The following PTPRQ variants were observed in gnomAD, a reference collection of about 807,000 sequenced individuals.
The protein encoded by PTPRQ is protein tyrosine phosphatase receptor type Q.
Under a neutral mutation model 246.0 loss-of-function variants are expected in PTPRQ, and 199 were observed. The ratio of observed to expected loss-of-function variants is 0.81; its 90% CI spans 0.72 to 0.91. The LOEUF (loss-of-function observed/expected upper bound fraction) is 0.91, where lower values mean the gene tolerates loss of function less well. PTPRQ is among the 40% of genes least tolerant of loss of function. The probability of loss-of-function intolerance (pLI) is 0.00; values close to 1 mark genes in which losing one functional copy is unlikely to be tolerated. For synonymous variants in PTPRQ, 869 were observed against 853.2 expected (o/e 1.02, Z -0.32); for missense variants, 2,624 against 2,528.4 (o/e 1.04, Z -0.81).
chr12:80,500,171 C>G (rs1163175274), intron 14 of PTPRQ, among the ~76,000 whole-genome samples: 1 of 151,932 alleles, frequency 6.6e-6, no homozygotes, highest in African/African-American at 2.4e-5. Flanking sequence ...GGTAACTTCC[C>G]TTTTTTACTA....
intron 9 of PTPRQ, among the ~76,000 whole-genome samples, chr12:80,488,504 C>T (rs1380484990): frequency 3.9e-5 from 6 of 151,952 alleles, no homozygotes; most frequent in Non-Finnish European, 7.4e-5. Context: ...TCAATAGATT[C>T]TAAAAATGAG....
intron 33 of PTPRQ, 95 bp downstream of exon 33, chr12:80,622,229 A>AGTT: frequency 9.8e-7 from 1 of 1,020,128 alleles, no homozygotes; most frequent in Non-Finnish European, 1.3e-6. Flanking sequence ...TAGATGTTTT[A>AGTT]AAATATAAAC....
intron 39 of PTPRQ, among the ~76,000 whole-genome samples, chr12:80,663,761 C>A (rs933155309): frequency 6.6e-6 from 1 of 151,908 alleles, no homozygotes; most frequent in Admixed American, 6.6e-5. Context: ...CTGCCATGTT[C>A]ACAACCTAGA....
At chr12:80,524,097 T>C (rs1895604110) in intron 17 of PTPRQ, among the ~76,000 whole-genome samples, 1 of 152,220 alleles carries the variant, frequency 6.6e-6, no homozygotes, top group African/African-American at 2.4e-5. Flanking sequence ...CTTGTTGAAT[T>C]GATTCCTTTA....
intron 25 of PTPRQ, among the ~76,000 whole-genome samples, chr12:80,553,845 T>A (rs1024500433): frequency 2.0e-5 from 3 of 152,210 alleles, no homozygotes; most frequent in African/African-American, 7.2e-5. Context: ...ATGCGGTATT[T>A]AATTTTTAGA....
chr12:80,521,313 G>A (rs1490779390), intron 17 of PTPRQ, among the ~76,000 whole-genome samples: 3 of 151,998 alleles, frequency 2.0e-5, no homozygotes, highest in Admixed American at 6.6e-5. Context: ...TCTGAAGGTT[G>A]CCTGTTCACT....
intron 33 of PTPRQ, among the ~76,000 whole-genome samples, chr12:80,624,628 G>T (rs951098815): frequency 6.6e-6 from 1 of 152,142 alleles, no homozygotes; most frequent in African/African-American, 2.4e-5. Context: ...CATTTCTCTG[G>T]TTAATGGATT....
intron 3 of PTPRQ, 78 bp from the exon 4 acceptor site, chr12:80,457,497 A>G (rs1893016553): frequency 5.0e-6 from 2 of 399,514 alleles, no homozygotes; most frequent in African/African-American, 4.1e-5. Context: ...TGGATAAGTC[A>G]AAGTTTTGTT....
intron 14 of PTPRQ, among the ~76,000 whole-genome samples, chr12:80,501,970 G>A (rs1010871215): frequency 6.6e-6 from 1 of 151,634 alleles, no homozygotes; most frequent in Non-Finnish European, 1.5e-5. Context: ...ATGAGGAATG[G>A]CAAATTTTGA....
chr12:80,545,228 T>C (rs1417482246), intron 23 of PTPRQ, among the ~76,000 whole-genome samples: 1 of 152,136 alleles, frequency 6.6e-6, no homozygotes, highest in East Asian at 1.9e-4. Flanking sequence ...ATGCCTTACA[T>C]GTGTCTATAA....
At chr12:80,448,514 T>A (rs1034911452) in intron 3 of PTPRQ, among the ~76,000 whole-genome samples, 7 of 151,812 alleles carry the variant, frequency 4.6e-5, no homozygotes, top group South Asian at 2.1e-4. Context: ...CCCAATGCTA[T>A]CCCTCCCCAC....
At chr12:80,633,629 G>C (rs2121173360) in intron 34 of PTPRQ, among the ~76,000 whole-genome samples, 1 of 152,264 alleles carries the variant, frequency 6.6e-6, no homozygotes, top group Middle Eastern at 3.4e-3. Flanking sequence ...GGTTCATCTT[G>C]ACTCTCTTAA....
chr12:80,483,706 G>T (rs966451934), intron 8 of PTPRQ, among the ~76,000 whole-genome samples: 2 of 133,360 alleles, frequency 1.5e-5, no homozygotes, highest in Non-Finnish European at 1.5e-5. Context: ...TCTACATTAG[G>T]TACTTCTCCT....
At chr12:80,579,733 A>G (rs114917970) in intron 25 of PTPRQ, among the ~76,000 whole-genome samples, 2,710 of 152,242 alleles carry the variant, frequency 0.018, 88 homozygotes, top group African/African-American at 0.061. Context: ...GTATTGATCC[A>G]TACTATATTA....
intron 8 of PTPRQ, among the ~76,000 whole-genome samples, chr12:80,477,374 A>G (rs1893846199): frequency 6.6e-6 from 1 of 152,194 alleles, no homozygotes; most frequent in African/African-American, 2.4e-5. Context: ...CAAGATTTCA[A>G]CTGGCATTAA....
At chr12:80,558,237 G>T (rs989352503) in intron 25 of PTPRQ, among the ~76,000 whole-genome samples, 1 of 148,848 alleles carries the variant, frequency 6.7e-6, no homozygotes, top group Non-Finnish European at 1.5e-5. Flanking sequence ...GTGCGATCTC[G>T]ACTCACTGCA....
At chr12:80,521,808 C>T (rs984113850) in intron 17 of PTPRQ, among the ~76,000 whole-genome samples, 6 of 152,154 alleles carry the variant, frequency 3.9e-5, no homozygotes, top group Non-Finnish European at 7.3e-5. Context: ...ATGCCTCCAG[C>T]TTCATTCTTT....
intron 25 of PTPRQ, among the ~76,000 whole-genome samples, chr12:80,564,952 G>A (rs1022545723): frequency 2.0e-5 from 3 of 152,034 alleles, no homozygotes; most frequent in Admixed American, 2.0e-4. Flanking sequence ...TATAATGTGA[G>A]TATATACATA....
At position 80,670,442 on chromosome 12, in the gene PTPRQ, G is replaced by C; in HGVS notation, c.6552G>C (p.Leu2184Phe). 1 of 1,551,194 alleles carries C rather than the reference G, an allele frequency of 6.4e-7. No individual in the cohort carries two copies. The highest frequency in any genetic ancestry group is 8.7e-7 in the Non-Finnish European group (1 of 1,146,572). ...CCCCTCTAATTCACTTTGTGAAGTTGGTTCGAGCAAGCAGGGCACATGACA... is the reference window on the plus strand; with the variant it reads ...CCCCTCTAATTCACTTTGTGAAGTTCGTTCGAGCAAGCAGGGCACATGACA... ...NSAPLIHFVK[L>F]VRASRAHDTT... The change falls in exon 42 of 45, where the codon TTG becomes TTC. Residue 2184 changes from leucine (L) to phenylalanine (F), a missense_variant. By Grantham distance (22) the Leu-to-Phe change is conservative (BLOSUM62 0). Transcript: ENST00000644991.
Sources: gnomAD v4.1 joint callset for allele counts (sites outside exome capture counted in the v4.1 genomes callset) on GRCh38, gnomAD v4.1.1 for gene constraint, MANE v1.5 for transcripts, NCBI Gene and HGNC (gene_info 2026-07-23, HGNC 2026-07-21) for gene names.